Variants in AMBN observed in about 807,000 individuals in gnomAD.
AMBN encodes enamel matrix protein.
In AMBN, 54 loss-of-function variants were observed where a neutral mutation model predicts 48.0. The observed-to-expected ratio is 1.12, with a 90% CI of 0.90 to 1.41. AMBN has a LOEUF of 1.41. AMBN is among the 40% of genes most tolerant of loss of function. AMBN has a pLI of 0.00. For synonymous variants in AMBN, 186 were observed against 190.0 expected (o/e 0.98, Z 0.17); for missense variants, 571 against 547.3 (o/e 1.04, Z -0.43).
chr4:70,605,001 A>C (rs1737609815), intron 12 of AMBN, among the ~76,000 whole-genome samples: 1 of 152,148 alleles, frequency 6.6e-6, no homozygotes, highest in African/African-American at 2.4e-5. Context: ...TTAAAAAAAA[A>C]AAAAAAAGTC....
At chr4:70,596,898 C>T (rs1457237873) in intron 2 of AMBN, 101 bp from the exon 3 acceptor site, 3 of 924,996 alleles carry the variant, frequency 3.2e-6, no homozygotes, top group Admixed American at 2.5e-5. Context: ...ATGGTGGCCT[C>T]TCAGGTAGCC....
chr4:70,602,572 T>C, intron 6 of AMBN, 52 bp from the exon 7 acceptor site: 1 of 1,329,482 alleles, frequency 7.5e-7, no homozygotes, highest in Non-Finnish European at 1.0e-6. Flanking sequence ...TGTCACTTTG[T>C]CTATTTTGTT....
At chr4:70,593,796 C>T (rs992919329) in intron 2 of AMBN, among the ~76,000 whole-genome samples, 12 of 149,596 alleles carry the variant, frequency 8.0e-5, no homozygotes, top group African/African-American at 1.2e-4. Context: ...ACCTGGGAGG[C>T]GGAGGTTGCA....
At chr4:70,600,305 T>C (rs2109802457) in intron 5 of AMBN, among the ~76,000 whole-genome samples, 1 of 151,480 alleles carries the variant, frequency 6.6e-6, no homozygotes, top group East Asian at 1.9e-4. Flanking sequence ...TGAGACTCTG[T>C]CTCAAAAAAA....
intron 12 of AMBN, 61 bp downstream of exon 12, chr4:70,603,982 C>G: frequency 6.5e-7 from 1 of 1,548,916 alleles, no homozygotes; most frequent in South Asian, 1.1e-5. Flanking sequence ...TCACTTATGA[C>G]TGGCTGCAAG....
chr4:70,599,481 A>G, intron 4 of AMBN, 55 bp from the exon 5 acceptor site: 1 of 1,287,134 alleles, frequency 7.8e-7, no homozygotes, highest in Non-Finnish European at 1.1e-6. Context: ...AAATATAACC[A>G]ATGTTATATT....
chr4:70,598,260 C>A, intron 3 of AMBN, 96 bp from the exon 4 acceptor site: 3 of 772,848 alleles, frequency 3.9e-6, no homozygotes, highest in Non-Finnish European at 5.8e-6. Flanking sequence ...TGATTCACAC[C>A]AAACTTTGTG....
At position 70,604,992 on chromosome 4, in the gene AMBN, T is replaced by TA. The variant is rs67400307; in HGVS notation, c.798+1087dup. On this transcript the variant is annotated intron_variant, in intron 12 of 12. Transcript: ENST00000322937. ...TGGGCAACAGAGCAAGACCCTGCCT[T>TA]AAAAAAAAAAAAAAAAGTCTTGTTT... is the stretch of plus-strand genomic sequence containing the variant. Among the ~76,000 whole-genome samples the TA allele has an allele frequency of 4.7e-3, 687 of 145,206 alleles. 4 individuals are homozygous for TA. Among genetic ancestry groups the TA allele is most frequent in the African/African-American group, 0.012 (456 of 39,034 alleles).
chr4:70,604,525 G>A (rs1002561301), intron 12 of AMBN, among the ~76,000 whole-genome samples: 5 of 152,076 alleles, frequency 3.3e-5, no homozygotes, highest in Non-Finnish European at 7.4e-5. Context: ...AGAGCACAAG[G>A]CAAGACAAAA....
intron 3 of AMBN, 26 bp downstream of exon 3, chr4:70,597,075 T>C (rs1272375212): frequency 3.8e-6 from 6 of 1,592,718 alleles, no homozygotes; most frequent in African/African-American, 1.3e-5. Flanking sequence ...ATTTTTAACA[T>C]ATTAACTTTA....
chr4:70,595,377 C>T (rs1260184894), intron 2 of AMBN, among the ~76,000 whole-genome samples: 4 of 151,592 alleles, frequency 2.6e-5, no homozygotes, highest in Non-Finnish European at 4.4e-5. Flanking sequence ...TGTAGAGACG[C>T]GGTTTCGCCA....
intron 3 of AMBN, among the ~76,000 whole-genome samples, chr4:70,597,878 T>G (rs1043385924): frequency 1.3e-5 from 2 of 152,224 alleles, no homozygotes; most frequent in Non-Finnish European, 2.9e-5. Flanking sequence ...ATACTTAACA[T>G]TTCTTTCAAT....
chr4:70,600,035 G>A (rs1013922728), intron 5 of AMBN, among the ~76,000 whole-genome samples: 4 of 152,094 alleles, frequency 2.6e-5, no homozygotes, highest in East Asian at 1.9e-4. Context: ...AGCCAGGTGC[G>A]ATGGCTGACG....
intron 6 of AMBN, chr4:70,602,054 G>A (rs1026592115): frequency 1.5e-5 from 6 of 403,480 alleles, no homozygotes; most frequent in Non-Finnish European, 2.9e-5. Context: ...TTATCTCTCT[G>A]ACAAAGAGGT....
In AMBN at chr4:70,606,086, G is replaced by C. The variant is rs976634818; in HGVS notation, c.799-99G>C. 1.6e-5 allele frequency: 22 copies of C among 1,404,366 alleles called. No homozygotes were observed. The African/African-American group carries it at 2.9e-4, about 18-fold the overall frequency. The allele number at this position is 1,404,366 out of a possible 1,614,324, so 87.0% of individuals were successfully genotyped here. A position where few individuals can be genotyped will look rare whatever the true frequency, so the allele number is the denominator to read the frequency against. ...TCAGCCAACTTCCTATTCTCCACCA[G>C]TTTTTTAGAGATCCTTGGTGAATGT... On this transcript the variant is annotated intron_variant, in intron 12 of 12. Coordinates refer to ENST00000322937, the MANE Select transcript of AMBN (RefSeq NM_016519.6).
intron 11 of AMBN, 48 bp from the exon 12 acceptor site, chr4:70,603,829 A>G: frequency 6.2e-7 from 1 of 1,600,276 alleles, no homozygotes; most frequent in Non-Finnish European, 8.6e-7. Flanking sequence ...TTGAGTAGAT[A>G]AGAAGGTAGC....
intron 2 of AMBN, among the ~76,000 whole-genome samples, chr4:70,596,165 C>A (rs924160418): frequency 2.0e-5 from 3 of 151,678 alleles, no homozygotes; most frequent in Admixed American, 6.6e-5. Flanking sequence ...TGGTGCACAC[C>A]TGTAATCCCA....
At chr4:70,604,842 AATC>A (rs1476464319) in intron 12 of AMBN, among the ~76,000 whole-genome samples, 3 of 152,002 alleles carry the variant, frequency 2.0e-5, no homozygotes, top group Non-Finnish European at 2.9e-5. Flanking sequence ...AAAATACAAA[AATC>A]AGCCAGGTTT....
intron 3 of AMBN, 28 bp downstream of exon 3, chr4:70,597,077 T>C: frequency 6.3e-7 from 1 of 1,589,686 alleles, no homozygotes. Flanking sequence ...TTTTAACATA[T>C]TAACTTTACA....
Sources: allele counts gnomAD v4.1 joint callset (sites outside exome capture counted in the v4.1 genomes callset), GRCh38; gene constraint gnomAD v4.1.1; transcripts MANE v1.5; gene names NCBI Gene and HGNC (gene_info 2026-07-23, HGNC 2026-07-21).